SEC24B: variants seen among roughly 807,000 people sequenced by gnomAD.
SEC24B encodes protein transport protein Sec24B.
SEC24B carries 45 observed loss-of-function variants against 142.8 expected under a neutral mutation model. The observed-to-expected ratio is 0.32, with a 90% CI of 0.25 to 0.40. SEC24B has a LOEUF of 0.40. Among genes scored for constraint, SEC24B ranks in the 10% least tolerant of loss-of-function variants. The pLI is 1.00. For synonymous variants in SEC24B, 574 were observed against 568.2 expected (o/e 1.01, Z -0.15); for missense variants, 1,409 against 1,526.8 (o/e 0.92, Z 1.29).
At chr4:109,532,307 A>C (rs768391706) in intron 20 of SEC24B, among the ~76,000 whole-genome samples, 4 of 152,136 alleles carry the variant, frequency 2.6e-5, no homozygotes, top group Non-Finnish European at 5.9e-5. Flanking sequence ...TATTCCAAAC[A>C]TAATGTTATG....
At chr4:109,441,092 A>G (rs1336373109) in intron 1 of SEC24B, among the ~76,000 whole-genome samples, 1 of 152,206 alleles carries the variant, frequency 6.6e-6, no homozygotes, top group Non-Finnish European at 1.5e-5. Flanking sequence ...CATTTGTAAC[A>G]GGAACTGAGG....
chr4:109,505,089 T>G (rs2126033431), intron 6 of SEC24B, among the ~76,000 whole-genome samples: 1 of 152,132 alleles, frequency 6.6e-6, no homozygotes, highest in Middle Eastern at 3.4e-3. Flanking sequence ...GTGTCAAGAG[T>G]GAAATAAGAT....
chr4:109,520,645 T>C (rs1322751741), intron 12 of SEC24B, among the ~76,000 whole-genome samples, 161 bp downstream of exon 12: 2 of 152,248 alleles, frequency 1.3e-5, no homozygotes, highest in African/African-American at 2.4e-5. Flanking sequence ...TTCTAAGTTA[T>C]GCCTATGTAT....
At chr4:109,514,679 CAG>C (rs1158961123) in intron 10 of SEC24B, among the ~76,000 whole-genome samples, 2 of 152,200 alleles carry the variant, frequency 1.3e-5, no homozygotes, top group African/African-American at 4.8e-5. Context: ...GCCTGGGCAA[CAG>C]GGGAAGACTC....
intron 21 of SEC24B, 31 bp downstream of exon 21, chr4:109,532,774 CTGTT>C (rs756638191): frequency 1.6e-4 from 179 of 1,102,266 alleles, no homozygotes; most frequent in Non-Finnish European, 2.3e-4. Context: ...AAGCTTAACA[CTGTT>C]TGAGCTGACC....
intron 10 of SEC24B, among the ~76,000 whole-genome samples, chr4:109,514,822 C>G (rs749613096): frequency 3.4e-4 from 52 of 152,194 alleles, no homozygotes; most frequent in Non-Finnish European, 7.3e-4. Context: ...ATTTTTGGCG[C>G]CTGGCTCATC....
At chr4:109,471,055 ATTTAT>A (rs148693015) in intron 2 of SEC24B, among the ~76,000 whole-genome samples, 2,234 of 151,646 alleles carry the variant, frequency 0.015, 38 homozygotes, top group African/African-American at 0.038. Flanking sequence ...GTTCATGGGT[ATTTAT>A]TTTATTATGC....
At chr4:109,507,637 T>C (rs1736839051) in intron 7 of SEC24B, among the ~76,000 whole-genome samples, 1 of 151,864 alleles carries the variant, frequency 6.6e-6, no homozygotes, top group African/African-American at 2.4e-5. Flanking sequence ...TTCCTCTTTC[T>C]TTTTTTCTTT....
At chr4:109,499,073 T>C (rs1258561735) in intron 6 of SEC24B, among the ~76,000 whole-genome samples, 1 of 152,164 alleles carries the variant, frequency 6.6e-6, no homozygotes, top group Non-Finnish European at 1.5e-5. Flanking sequence ...AAAATACTAA[T>C]AAATATTAAC....
intron 18 of SEC24B, among the ~76,000 whole-genome samples, chr4:109,527,934 CTAAAAATGTGG>C (rs1283922704): frequency 7.2e-5 from 11 of 152,264 alleles, no homozygotes; most frequent in African/African-American, 2.6e-4. Context: ...TTCATAATCT[CTAAAAATGTGG>C]TAAAAACTGA....
chr4:109,443,674 G>A lies in SEC24B; in HGVS notation c.133+9672G>A, dbSNP rs117160246. Among the ~76,000 whole-genome samples the A allele has an allele frequency of 5.9e-4, 90 of 152,330 alleles. No homozygotes were observed. The East Asian group carries it at 0.014, about 24-fold the overall frequency. On this transcript the variant is annotated intron_variant, in intron 1 of 23. Coordinates refer to ENST00000265175, the MANE Select transcript of SEC24B (RefSeq NM_006323.5). Reference sequence around the variant, plus strand: ...AGGAGTTCTGTACCCCTCAGTAAAAGAGGAGAGGACTGTCAGCACTGAACA... The same window carrying A: ...AGGAGTTCTGTACCCCTCAGTAAAAAAGGAGAGGACTGTCAGCACTGAACA...
At chr4:109,503,478 C>A (rs1054230853) in intron 6 of SEC24B, among the ~76,000 whole-genome samples, 1 of 152,114 alleles carries the variant, frequency 6.6e-6, no homozygotes, top group Non-Finnish European at 1.5e-5. Context: ...CCCACCTCGG[C>A]CTTCCAAAGT....
Position 109,538,563 on chromosome 4 carries a change from G to C in SEC24B, c.3659G>C (p.Ser1220Thr). Reference protein sequence around the residue: ...ARSFITWLRDSRPLSPILHIV... With the variant: ...ARSFITWLRDTRPLSPILHIV... ...TCCTTCATAACTTGGCTTAGAGACAGCAGACCATTAAGTCCAATCCTTCAC... is the reference window on the plus strand; with the variant it reads ...TCCTTCATAACTTGGCTTAGAGACACCAGACCATTAAGTCCAATCCTTCAC... Residue 1220 changes from serine to threonine, a missense_variant, in exon 23 of 24, where the codon AGC becomes ACC. Ser to Thr is a moderately conservative substitution (Grantham distance 58). Around this residue, in one of 2 missense-constraint regions of SEC24B, gnomAD observed 700 missense variants for 853.3 expected, o/e 0.82. Transcript: ENST00000265175. 1 of 1,610,940 alleles carries C rather than the reference G, an allele frequency of 6.2e-7. No individual in the cohort carries two copies. The highest frequency in any genetic ancestry group is 1.1e-5 in the South Asian group (1 of 90,998).
chr4:109,453,530 G>A (rs1730350259), intron 1 of SEC24B, among the ~76,000 whole-genome samples: 1 of 137,650 alleles, frequency 7.3e-6, no homozygotes, highest in South Asian at 2.2e-4. Flanking sequence ...CCCGTGTTCG[G>A]TAATAAGAGA....
At chr4:109,466,759 CCTT>C (rs1417214797) in intron 2 of SEC24B, among the ~76,000 whole-genome samples, 1 of 152,172 alleles carries the variant, frequency 6.6e-6, no homozygotes, top group African/African-American at 2.4e-5. Context: ...AAAATGATTA[CCTT>C]CTTTACTACT....
intron 1 of SEC24B, among the ~76,000 whole-genome samples, chr4:109,450,077 G>A (rs1025965033): frequency 6.6e-6 from 1 of 152,022 alleles, no homozygotes; most frequent in Non-Finnish European, 1.5e-5. Flanking sequence ...CCAGGGTGTG[G>A]TTGCACTCAC....
chr4:109,491,597 G>A (rs778025988), intron 5 of SEC24B, among the ~76,000 whole-genome samples, 190 bp downstream of exon 5: 1 of 152,018 alleles, frequency 6.6e-6, no homozygotes, highest in Non-Finnish European at 1.5e-5. Flanking sequence ...TGTTTCTGGG[G>A]CTATTATTTT....
At chr4:109,456,334 G>T (rs201642779) in intron 1 of SEC24B, among the ~76,000 whole-genome samples, 7,544 of 90,196 alleles carry the variant, frequency 0.084, 115 homozygotes, top group Middle Eastern at 0.13. Context: ...GGTTTTTTTT[G>T]TTTTTTTTTT....
chr4:109,439,801 C>G (rs925478218), intron 1 of SEC24B, among the ~76,000 whole-genome samples: 3 of 150,724 alleles, frequency 2.0e-5, no homozygotes, highest in African/African-American at 4.9e-5. Context: ...GAGCCTGGCT[C>G]TAAGCTGATT....
Sources: allele counts gnomAD v4.1 joint callset (sites outside exome capture counted in the v4.1 genomes callset), GRCh38; gene constraint gnomAD v4.1.1; regional missense constraint gnomAD v4.1.1; transcripts MANE v1.5; gene names NCBI Gene and HGNC (gene_info 2026-07-23, HGNC 2026-07-21).